HMGCLL1: variants seen among roughly 807,000 people sequenced by gnomAD.
HMGCLL1 encodes the protein 3-hydroxy-3-methylglutaryl-CoA lyase like 1.
In HMGCLL1, 36 loss-of-function variants were observed where a neutral mutation model predicts 39.1. The ratio of observed to expected loss-of-function variants is 0.92; its 90% CI spans 0.71 to 1.22. The LOEUF (loss-of-function observed/expected upper bound fraction) is 1.22. HMGCLL1 is among the 50% of genes most tolerant of loss of function. The pLI, the probability that HMGCLL1 is intolerant of heterozygous loss-of-function variation, is 0.00. For missense variants in HMGCLL1, 451 were observed against 416.5 expected (o/e 1.08, Z -0.72); for synonymous variants, 149 against 144.0 (o/e 1.03, Z -0.25).
chr6:55,470,998 G>A (rs1342308461), intron 7 of HMGCLL1, among the ~76,000 whole-genome samples: 2 of 150,640 alleles, frequency 1.3e-5, no homozygotes, highest in Non-Finnish European at 3.0e-5. Context: ...GATTTGGGTG[G>A]GGACACAGAG....
intron 7 of HMGCLL1, among the ~76,000 whole-genome samples, chr6:55,490,581 T>A (rs927683271): frequency 2.6e-5 from 4 of 152,160 alleles, no homozygotes; most frequent in Non-Finnish European, 5.9e-5. Context: ...AAGTTTGTGA[T>A]CTAAGTATAG....
intron 5 of HMGCLL1, among the ~76,000 whole-genome samples, chr6:55,501,786 C>G (rs1766905629): frequency 6.6e-6 from 1 of 151,734 alleles, no homozygotes; most frequent in African/African-American, 2.4e-5. Context: ...TTGAAAATCA[C>G]TCAACTATTA....
chr6:55,610,851 A>G, the HMGCLL1 span, among the ~76,000 whole-genome samples: 2 of 152,278 alleles, frequency 1.3e-5, no homozygotes, highest in South Asian at 2.1e-4. Context: ...CAGAAACTCT[A>G]CAAGCCAGAA....
chr6:55,498,835 G>A (rs140235633), intron 6 of HMGCLL1, among the ~76,000 whole-genome samples: 421 of 152,090 alleles, frequency 2.8e-3, no homozygotes, highest in South Asian at 5.6e-3. Flanking sequence ...CTGATATAAC[G>A]GGCCAAAGTA....
rs2127457057 is a variant in HMGCLL1 at position 55,542,074 on chromosome 6, A to G, written c.175T>C (p.Leu59=). The G allele has an allele frequency of 6.2e-7, 1 of 1,604,810 alleles. No individual in the cohort carries two copies. Among genetic ancestry groups the G allele is most frequent in the Non-Finnish European group, 8.5e-7 (1 of 1,172,846 alleles). ...TGTAAAACTACCTTTTCATTCTGCA[A>G]TCCATCCCTAGGCCCAACTTCTACT... ...KIVEVGPRDG[L]QNEKVIVPTD... Residue 59 remains leucine, a synonymous_variant, in exon 2 of 9, where the codon TTG becomes CTG. Coordinates refer to ENST00000274901, the MANE Select transcript of HMGCLL1 (RefSeq NM_001042406.2).
the HMGCLL1 span, among the ~76,000 whole-genome samples, chr6:55,645,176 T>A: frequency 1.3e-5 from 2 of 151,786 alleles, no homozygotes; most frequent in Non-Finnish European, 1.5e-5. Context: ...TAAATGAGAT[T>A]TTTTTTTACT....
chr6:55,668,821 C>T, the HMGCLL1 span, among the ~76,000 whole-genome samples: 1 of 151,700 alleles, frequency 6.6e-6, no homozygotes, highest in Non-Finnish European at 1.5e-5. Flanking sequence ...TCGCTCATGA[C>T]TTATCCCCCA....
chr6:55,509,088 C>A (rs924120861), intron 5 of HMGCLL1, among the ~76,000 whole-genome samples: 8 of 151,804 alleles, frequency 5.3e-5, no homozygotes, highest in African/African-American at 1.9e-4. Flanking sequence ...AAAGTACAAA[C>A]CCTTAAACAA....
At chr6:55,555,875 T>A (rs765938808) in intron 1 of HMGCLL1, among the ~76,000 whole-genome samples, 4 of 152,146 alleles carry the variant, frequency 2.6e-5, no homozygotes, top group Non-Finnish European at 5.9e-5. Context: ...TTTTAAACAG[T>A]AGGTCCCATG....
At chr6:55,524,954 TATTACTATTAATTAATA>T in intron 3 of HMGCLL1, among the ~76,000 whole-genome samples, 1 of 150,792 alleles carries the variant, frequency 6.6e-6, no homozygotes, top group South Asian at 2.1e-4. Flanking sequence ...TACTAATTAC[TATTACTATTAATTAATA>T]GTAATAGTAA....
chr6:55,618,046 A>C, the HMGCLL1 span, among the ~76,000 whole-genome samples: 8 of 152,110 alleles, frequency 5.3e-5, no homozygotes, highest in African/African-American at 1.9e-4. Context: ...CATTTATATA[A>C]AGACCAAAAT....
intron 3 of HMGCLL1, among the ~76,000 whole-genome samples, chr6:55,517,704 C>T (rs1255053586): frequency 6.6e-6 from 1 of 151,772 alleles, no homozygotes; most frequent in Non-Finnish European, 1.5e-5. Context: ...ATACATGTTA[C>T]AATATTTACT....
intron 7 of HMGCLL1, among the ~76,000 whole-genome samples, chr6:55,482,283 G>A (rs1442157444): frequency 6.6e-6 from 1 of 152,068 alleles, no homozygotes; most frequent in African/African-American, 2.4e-5. Context: ...GAATGCAAAT[G>A]AGGCAATAAT....
chr6:55,611,791 G>A, the HMGCLL1 span, among the ~76,000 whole-genome samples: 3 of 152,160 alleles, frequency 2.0e-5, no homozygotes, highest in Non-Finnish European at 2.9e-5. Flanking sequence ...AACTAGGTAT[G>A]ATTGAACATA....
the HMGCLL1 span, among the ~76,000 whole-genome samples, chr6:55,621,583 G>T: frequency 6.6e-6 from 1 of 151,490 alleles, no homozygotes; most frequent in African/African-American, 2.4e-5. Flanking sequence ...CTGATGATCT[G>T]TCATTGTCTC....
the HMGCLL1 span, among the ~76,000 whole-genome samples, chr6:55,616,861 CA>C: frequency 1.3e-5 from 2 of 151,084 alleles, no homozygotes; most frequent in African/African-American, 2.4e-5. Context: ...TGCTATATAA[CA>C]AAAAAATTAG....
chr6:55,663,766 T>C, the HMGCLL1 span, among the ~76,000 whole-genome samples: 6 of 151,826 alleles, frequency 4.0e-5, no homozygotes, highest in African/African-American at 1.5e-4. Flanking sequence ...CTACTGTCAG[T>C]GGAGTATTGA....
the HMGCLL1 span, among the ~76,000 whole-genome samples, chr6:55,676,233 A>G: frequency 1.3e-5 from 2 of 152,160 alleles, no homozygotes; most frequent in Non-Finnish European, 2.9e-5. Flanking sequence ...TTAATGTACA[A>G]ATATAAAAAC....
chr6:55,516,658 A>G, intron 3 of HMGCLL1, 55 bp from the exon 4 acceptor site: 1 of 1,201,506 alleles, frequency 8.3e-7, no homozygotes, highest in Admixed American at 1.7e-5. Flanking sequence ...GTTACCGAGA[A>G]TCATTTTAGT....
Sources: gnomAD v4.1 joint callset for allele counts (sites outside exome capture counted in the v4.1 genomes callset) on GRCh38, gnomAD v4.1.1 for gene constraint, MANE v1.5 for transcripts, NCBI Gene and HGNC (gene_info 2026-07-23, HGNC 2026-07-21) for gene names.